Variants in SLC30A7 observed in about 807,000 individuals in gnomAD.
The protein encoded by SLC30A7 is zinc transporter 7.
Under a neutral mutation model 46.0 loss-of-function variants are expected in SLC30A7, and 35 were observed. The observed-to-expected ratio is 0.76, with a 90% CI of 0.58 to 1.01. SLC30A7 has a LOEUF of 1.01. SLC30A7 is among the 50% of genes least tolerant of loss of function. The pLI, the probability that SLC30A7 is intolerant of heterozygous loss-of-function variation, is 0.00. For missense variants in SLC30A7, 464 were observed against 451.1 expected (o/e 1.03, Z -0.26); for synonymous variants, 147 against 157.8 (o/e 0.93, Z 0.51).
At chr1:100,991,054 G>C in the SLC30A7 span, among the ~76,000 whole-genome samples, 1 of 152,172 alleles carries the variant, frequency 6.6e-6, no homozygotes, top group Non-Finnish European at 1.5e-5. Context: ...TCACAGATTT[G>C]AGTTTCTGCC....
intron 8 of SLC30A7, among the ~76,000 whole-genome samples, chr1:100,939,004 A>G (rs1363780248): frequency 1.3e-5 from 2 of 152,196 alleles, no homozygotes; most frequent in Non-Finnish European, 2.9e-5. Context: ...TGTTGTTCCC[A>G]TGTTTATGGC....
intron 3 of SLC30A7, among the ~76,000 whole-genome samples, chr1:100,909,043 A>ATGTGTGTGTGTG: frequency 6.7e-6 from 1 of 148,260 alleles, no homozygotes; most frequent in South Asian, 2.1e-4. Flanking sequence ...TCCTCTCTTT[A>ATGTGTGTGTGTG]TGTGTGTGTG....
chr1:100,896,629 C>T lies in SLC30A7; in HGVS notation c.140C>T (p.Ser47Phe), dbSNP rs1650962555. 5 of 1,614,190 alleles carry T rather than the reference C, an allele frequency of 3.1e-6. No individual in the cohort carries two copies. Among genetic ancestry groups the T allele is most frequent in the Non-Finnish European group, 4.2e-6 (5 of 1,180,028 alleles). The change falls in exon 2 of 11, where the codon TCT (serine) becomes TTT (phenylalanine). Residue 47 changes from serine to phenylalanine, a missense_variant. Transcript: ENST00000357650. ...NLFFFLCLNL[S>F]FAFVELLYGI... ...TTTTTCTTCCTGTGCCTGAACCTCT[C>T]TTTCGCTTTTGTGGAACTACTCTAC...
chr1:100,995,143 T>A, the SLC30A7 span: 1 of 1,574,534 alleles, frequency 6.4e-7, no homozygotes, highest in Non-Finnish European at 8.7e-7. Context: ...CTCCTTTACT[T>A]TGATGTCTGT....
At chr1:100,991,822 C>T in the SLC30A7 span, among the ~76,000 whole-genome samples, 2 of 147,830 alleles carry the variant, frequency 1.4e-5, no homozygotes, top group South Asian at 4.3e-4. Flanking sequence ...GTGGGCCAGG[C>T]GTGGTGGTTC....
At chr1:100,954,001 T>C (rs947982041) in intron 8 of SLC30A7, among the ~76,000 whole-genome samples, 1 of 152,232 alleles carries the variant, frequency 6.6e-6, no homozygotes, top group African/African-American at 2.4e-5. Flanking sequence ...TTCACTGTTA[T>C]GCTATTTAGC....
At chr1:100,929,248 T>A (rs964537885) in intron 8 of SLC30A7, among the ~76,000 whole-genome samples, 3 of 152,070 alleles carry the variant, frequency 2.0e-5, no homozygotes, top group Non-Finnish European at 4.4e-5. Context: ...ATGGTAACAT[T>A]TTTGACTTAG....
At chr1:100,917,458 C>G (rs1652643470) in intron 6 of SLC30A7, among the ~76,000 whole-genome samples, 1 of 152,134 alleles carries the variant, frequency 6.6e-6, no homozygotes, top group South Asian at 2.1e-4. Flanking sequence ...GCTTGTCAGT[C>G]TTCCTGATGA....
chr1:100,968,703 T>C (rs986087564), intron 10 of SLC30A7, among the ~76,000 whole-genome samples: 1 of 152,186 alleles, frequency 6.6e-6, no homozygotes, highest in Non-Finnish European at 1.5e-5. Context: ...TTACTTTCTC[T>C]CTGAAGCCTT....
chr1:100,896,479 G>A (rs1650941289), intron 1 of SLC30A7, 91 bp from the exon 2 acceptor site: 4 of 1,427,508 alleles, frequency 2.8e-6, no homozygotes, highest in Non-Finnish European at 3.9e-6. Context: ...AGGAGCATGT[G>A]AACTGGGAGG....
chr1:100,990,571 A>G, the SLC30A7 span: 2 of 1,614,046 alleles, frequency 1.2e-6, no homozygotes, highest in Non-Finnish European at 8.5e-7. Context: ...GCCTGCTGCA[A>G]TTTTCTGGTC....
intron 8 of SLC30A7, among the ~76,000 whole-genome samples, chr1:100,926,183 CTTTT>C (rs904106496): frequency 1.3e-5 from 2 of 152,126 alleles, no homozygotes; most frequent in Non-Finnish European, 2.9e-5. Flanking sequence ...GATTGGATTT[CTTTT>C]TGTTATTGTT....
At chr1:100,896,706 G>C in intron 2 of SLC30A7, 35 bp downstream of exon 2, 1 of 1,570,706 alleles carries the variant, frequency 6.4e-7, no homozygotes, top group East Asian at 2.2e-5. Flanking sequence ...GGCGGAAGCT[G>C]GGTGTGAGGG....
Position 100,974,801 on chromosome 1 carries a change from A to G in SLC30A7, c.1084-9A>G. 1 of 1,557,706 alleles carries G rather than the reference A, an allele frequency of 6.4e-7. No individual in the cohort carries two copies. On this transcript the variant is annotated splice_polypyrimidine_tract_variant and intron_variant, in intron 10 of 10. Coordinates refer to ENST00000357650, the MANE Select transcript of SLC30A7 (RefSeq NM_133496.5). ...AGATTTTCTAACTTTTTTTTTTCTT[A>G]CTTTTCAGGCTGGAGTGAGACAGCT... is the stretch of plus-strand genomic sequence containing the variant.
At position 100,977,628 on chromosome 1, in the gene SLC30A7, A is replaced by G. The variant is rs897105454; in HGVS notation, c.*2771A>G. On this transcript the variant is annotated 3_prime_UTR_variant, in exon 11 of 11. Transcript: ENST00000357650. ...CTCGTATCTGAGTGTAACTTTGCCAATATTTTAAAAGCCAAAATATTCTCT... is the reference window on the plus strand; with the variant it reads ...CTCGTATCTGAGTGTAACTTTGCCAGTATTTTAAAAGCCAAAATATTCTCT... The G allele has an allele frequency of 1.3e-5, 2 of 152,226 alleles. No homozygotes were observed. Among genetic ancestry groups the G allele is most frequent in the African/African-American group, 2.4e-5 (1 of 41,454 alleles). The allele number at this position is 152,226 out of a possible 1,614,324, so 9.4% of individuals were successfully genotyped here. A position where few individuals can be genotyped will look rare whatever the true frequency, so the allele number is the denominator to read the frequency against.
At chr1:100,929,373 A>G (rs369053538) in intron 8 of SLC30A7, among the ~76,000 whole-genome samples, 3 of 152,150 alleles carry the variant, frequency 2.0e-5, no homozygotes, top group East Asian at 3.8e-4. Flanking sequence ...AACAAACTGA[A>G]TTTATTTAAA....
At chr1:100,995,124 C>G in the SLC30A7 span, 2 of 1,578,634 alleles carry the variant, frequency 1.3e-6, no homozygotes, top group Non-Finnish European at 1.7e-6. Context: ...TTAGATTTTC[C>G]AAAGACTGCT....
chr1:100,974,324 A>G (rs1656334084), intron 10 of SLC30A7, among the ~76,000 whole-genome samples: 1 of 152,182 alleles, frequency 6.6e-6, no homozygotes, highest in South Asian at 2.1e-4. Flanking sequence ...AATACAGAAG[A>G]TATTGGGGAG....
At chr1:100,927,677 C>G (rs1653395496) in intron 8 of SLC30A7, among the ~76,000 whole-genome samples, 1 of 152,086 alleles carries the variant, frequency 6.6e-6, no homozygotes, top group Non-Finnish European at 1.5e-5. Context: ...ATGGAATAGA[C>G]AGAGAGTTAG....
Sources: allele counts gnomAD v4.1 joint callset (sites outside exome capture counted in the v4.1 genomes callset), GRCh38; gene constraint gnomAD v4.1.1; transcripts MANE v1.5; gene names NCBI Gene and HGNC (gene_info 2026-07-23, HGNC 2026-07-21).